NAV3: variants seen among roughly 807,000 people sequenced by gnomAD.
NAV3 encodes neuron navigator 3.
In NAV3, 87 loss-of-function variants were observed where a neutral mutation model predicts 244.7. The observed-to-expected ratio is 0.36, with a 90% CI of 0.30 to 0.42. NAV3 has a LOEUF of 0.42. NAV3 is among the 20% of genes least tolerant of loss of function. NAV3 has a pLI of 1.00. For synonymous variants in NAV3, 1,126 were observed against 1,042.2 expected (o/e 1.08, Z -1.55); for missense variants, 2,663 against 2,893.3 (o/e 0.92, Z 1.83).
chr12:77,957,493 A>G (rs1324763270), intron 3 of NAV3, among the ~76,000 whole-genome samples: 2 of 152,230 alleles, frequency 1.3e-5, no homozygotes. Flanking sequence ...TGATATTGTG[A>G]TAGATTCTTC....
At chr12:77,808,748 G>A (rs916776868) in intron 2 of NAV3, among the ~76,000 whole-genome samples, 3 of 152,222 alleles carry the variant, frequency 2.0e-5, no homozygotes, top group Admixed American at 2.0e-4. Context: ...AAGCAGGAAT[G>A]TTTAAGTCTG....
intron 8 of NAV3, among the ~76,000 whole-genome samples, chr12:78,008,139 C>CCCACAGTTTTATATTAAAAA (rs1201937246): frequency 2.0e-5 from 3 of 151,838 alleles, no homozygotes; most frequent in Non-Finnish European, 2.9e-5. Flanking sequence ...ATATTAATTT[C>CCCACAGTTTTATATTAAAAA]CCACAGCAAG....
chr12:77,781,352 A>G (rs1021107241), intron 2 of NAV3, among the ~76,000 whole-genome samples: 1 of 152,134 alleles, frequency 6.6e-6, no homozygotes, highest in Non-Finnish European at 1.5e-5. Context: ...AACATTACAA[A>G]CTATTCTCCC....
Position 78,119,293 on chromosome 12 carries a change from T to C in NAV3, c.3097T>C (p.Ser1033Pro), listed in dbSNP as rs1320790552. 3.1e-6 allele frequency: 5 copies of C among 1,614,168 alleles called. No individual in the cohort carries two copies. Among genetic ancestry groups the C allele is most frequent in the Admixed American group, 3.3e-5 (2 of 60,018 alleles). ...AGGAAAAGCTCCCCTAAAAGGATCATCTCTACAAAGATCTCCTTCAGATGC... is the reference window on the plus strand; with the variant it reads ...AGGAAAAGCTCCCCTAAAAGGATCACCTCTACAAAGATCTCCTTCAGATGC... ...EKGKAPLKGS[S>P]LQRSPSDAGK... Residue 1033 changes from serine to proline, a missense_variant, in exon 15 of 40, where the codon TCT (serine) becomes CCT (proline). Ser to Pro is a moderately conservative substitution (Grantham distance 74). Around this residue, in one of 6 missense-constraint regions of NAV3, gnomAD observed 1,521 missense variants for 1,497.0 expected, o/e 1.02. Coordinates refer to ENST00000397909, the MANE Select transcript of NAV3 (RefSeq NM_001024383.2).
rs368627845 is a variant in NAV3 at position 77,940,305 on chromosome 12, T to A, written c.244-14T>A. 1.4e-5 allele frequency: 23 copies of A among 1,601,346 alleles called. No individual in the cohort carries two copies. The highest frequency in any genetic ancestry group is 3.4e-5 in the Admixed American group (2 of 58,512). On this transcript the variant is annotated splice_polypyrimidine_tract_variant and intron_variant, in intron 1 of 39. Transcript: ENST00000397909. ...CTCACCCCATCTCACTTTTTCCTTC[T>A]CTCTGTTCAACAGATTTACACTGAC...
intron 30 of NAV3, among the ~76,000 whole-genome samples, chr12:78,182,518 A>C (rs906730250): frequency 6.6e-6 from 1 of 151,986 alleles, no homozygotes; most frequent in Non-Finnish European, 1.5e-5. Context: ...GAAGGAGGCA[A>C]GTTTAATACT....
chr12:77,654,512 C>G (rs960746742), intron 2 of NAV3, among the ~76,000 whole-genome samples: 1 of 152,168 alleles, frequency 6.6e-6, no homozygotes, highest in Admixed American at 6.5e-5. Flanking sequence ...CTGTAGGCTC[C>G]ACCTCTGGGT....
At chr12:77,827,236 CAAAA>C (rs10615824), upstream of NAV3, among the ~76,000 whole-genome samples, 378 of 68,540 alleles carry the variant, frequency 5.5e-3, 2 homozygotes, top group African/African-American at 0.015. Flanking sequence ...ACTCTGTCTC[CAAAA>C]AAAAAAAAAA....
At chr12:77,716,785 C>G (rs1876381468) in intron 2 of NAV3, among the ~76,000 whole-genome samples, 2 of 151,970 alleles carry the variant, frequency 1.3e-5, no homozygotes, top group South Asian at 4.1e-4. Flanking sequence ...TATTTTTATG[C>G]CTTATTTTCT....
At chr12:77,739,595 T>A (rs894575266) in intron 2 of NAV3, among the ~76,000 whole-genome samples, 6 of 152,174 alleles carry the variant, frequency 3.9e-5, no homozygotes, top group African/African-American at 1.4e-4. Context: ...TTAAATTGAG[T>A]ATTCACAACT....
intron 1 of NAV3, among the ~76,000 whole-genome samples, chr12:77,836,052 T>C (rs977129969): frequency 6.6e-6 from 1 of 152,222 alleles, no homozygotes; most frequent in African/African-American, 2.4e-5. Flanking sequence ...TCTGATTTCT[T>C]TCTTATCTCA....
chr12:78,177,958 C>T (rs1030119184), intron 28 of NAV3, among the ~76,000 whole-genome samples: 8 of 151,798 alleles, frequency 5.3e-5, no homozygotes, highest in Non-Finnish European at 1.0e-4. Context: ...TTCCAAGACC[C>T]CCAGTGGATG....
rs771185504 is a variant in NAV3 at position 78,118,028 on chromosome 12, T to C, written c.2771T>C (p.Leu924Pro). 1.2e-6 allele frequency: 2 copies of C among 1,602,800 alleles called. No homozygotes were observed. The highest frequency in any genetic ancestry group is 1.7e-6 in the Non-Finnish European group (2 of 1,174,676). ...TTTCTGTAATATTTGTCTTTATAGC[T>C]GAGGACAGATTCAGAGAAACGCTCC... ...ITVPSRKNTQ[L>P]RTDSEKRSTT... The change falls in exon 14 of 40, where the codon CTG becomes CCG. Residue 924 changes from leucine (L) to proline (P), a missense_variant and splice_region_variant. Leu to Pro is a moderately conservative substitution (Grantham distance 98). Coordinates refer to ENST00000397909, the MANE Select transcript of NAV3 (RefSeq NM_001024383.2).
chr12:77,631,442 G>A (rs1871892463), intron 2 of NAV3, among the ~76,000 whole-genome samples: 1 of 150,210 alleles, frequency 6.7e-6, no homozygotes. Context: ...TCCCTGGAAA[G>A]CAAAATTGGC....
At chr12:77,860,835 A>G (rs1188429308) in intron 1 of NAV3, among the ~76,000 whole-genome samples, 22 of 151,848 alleles carry the variant, frequency 1.4e-4, no homozygotes, top group Admixed American at 1.4e-3. Context: ...TTCTTAATCA[A>G]GCTCTTTTAA....
At chr12:77,904,630 A>T (rs1037965220) in intron 1 of NAV3, among the ~76,000 whole-genome samples, 1 of 152,116 alleles carries the variant, frequency 6.6e-6, no homozygotes, top group African/African-American at 2.4e-5. Flanking sequence ...GTACCCTAAA[A>T]CTTAAAGTAT....
At chr12:77,944,759 G>A (rs1180283323) in intron 3 of NAV3, among the ~76,000 whole-genome samples, 1 of 152,086 alleles carries the variant, frequency 6.6e-6, no homozygotes, top group Non-Finnish European at 1.5e-5. Flanking sequence ...AGAGGTATAG[G>A]AGTCAGGAAA....
Position 77,746,795 on chromosome 12 carries a change from C to T in NAV3, c.72+174529C>T, listed in dbSNP as rs547568081. Reference sequence around the variant, plus strand: ...GAAGTAGCCAACTGGGAACTCTCTTCTTACATATATCATTTCAGCTACTCT... The same window carrying T: ...GAAGTAGCCAACTGGGAACTCTCTTTTTACATATATCATTTCAGCTACTCT... On this transcript the variant is annotated intron_variant, in intron 2 of 8. Transcript: ENST00000550042. Among the ~76,000 whole-genome samples, 187 of 152,260 alleles carry T rather than the reference C, an allele frequency of 1.2e-3. No individual in the cohort carries two copies. In the Middle Eastern group the frequency reaches 0.017, roughly 14 times the overall value.
chr12:77,943,306 A>G (rs769362668), intron 3 of NAV3, among the ~76,000 whole-genome samples: 24 of 152,162 alleles, frequency 1.6e-4, no homozygotes, highest in Admixed American at 3.3e-4. Context: ...TAGAAAGACC[A>G]CAGTCTAAGA....
Sources: gnomAD v4.1 joint callset for allele counts (sites outside exome capture counted in the v4.1 genomes callset) on GRCh38, gnomAD v4.1.1 for gene constraint, gnomAD v4.1.1 regional missense constraint, MANE v1.5 for transcripts, NCBI Gene and HGNC (gene_info 2026-07-23, HGNC 2026-07-21) for gene names.